The following CHODL variants were observed in gnomAD, a reference collection of about 807,000 sequenced individuals.
CHODL encodes chondrolectin.
Under a neutral mutation model 34.5 loss-of-function variants are expected in CHODL, and 29 were observed. The observed-to-expected ratio is 0.84, with a 90% CI of 0.63 to 1.15. The LOEUF (loss-of-function observed/expected upper bound fraction) is 1.15, where lower values mean the gene tolerates loss of function less well. Among genes scored for constraint, CHODL ranks in the 50% most tolerant of loss-of-function variants. CHODL has a pLI of 0.00. For synonymous variants in CHODL, 125 were observed against 116.1 expected, an observed-to-expected ratio of 1.08 and a Z score of -0.49; for missense variants, 332 against 332.5, an observed-to-expected ratio of 1.00 and a Z score of 0.01.
At chr21:17,954,894 A>G (rs2063485242) in intron 1 of CHODL, among the ~76,000 whole-genome samples, 1 of 54,002 alleles carries the variant, frequency 1.9e-5, no homozygotes, top group Non-Finnish European at 2.9e-5. Context: ...ATTAAATCAT[A>G]TATTTTATAT....
At chr21:18,050,171 T>G (rs927260128) in intron 2 of CHODL, among the ~76,000 whole-genome samples, 1 of 151,888 alleles carries the variant, frequency 6.6e-6, no homozygotes, top group African/African-American at 2.4e-5. Context: ...TAGGAAACAC[T>G]CCACAGAGGG....
intron 2 of CHODL, among the ~76,000 whole-genome samples, chr21:18,129,285 C>T (rs1283458712): frequency 6.7e-6 from 1 of 150,168 alleles, no homozygotes; most frequent in Non-Finnish European, 1.5e-5. Context: ...TTTTTTTAAC[C>T]ATTTACCATT....
chr21:18,053,725 G>A (rs1324725402), intron 2 of CHODL, among the ~76,000 whole-genome samples: 1 of 151,804 alleles, frequency 6.6e-6, no homozygotes, highest in African/African-American at 2.4e-5. Flanking sequence ...CAAAGAGTTG[G>A]TAATAAATTG....
At chr21:18,053,802 G>A (rs2824619) in intron 2 of CHODL, among the ~76,000 whole-genome samples, 54,081 of 151,632 alleles carry the variant, frequency 0.36, 11,027 homozygotes, top group Non-Finnish European at 0.47. Context: ...GCAGCCTCAT[G>A]TAAGACTGTA....
intron 2 of CHODL, among the ~76,000 whole-genome samples, chr21:18,147,989 A>G (rs1448324429): frequency 6.6e-6 from 1 of 152,184 alleles, no homozygotes; most frequent in African/African-American, 2.4e-5. Flanking sequence ...ACATAAAAGG[A>G]AATCCGATGG....
chr21:17,984,652 GTCTTTT>G (rs1400067152), intron 1 of CHODL, among the ~76,000 whole-genome samples: 1 of 151,546 alleles, frequency 6.6e-6, no homozygotes, highest in Non-Finnish European at 1.5e-5. Context: ...AGTCATACCA[GTCTTTT>G]TCTTTATGGA....
At chr21:18,111,373 GT>G (rs1265926238) in intron 2 of CHODL, among the ~76,000 whole-genome samples, 1 of 152,086 alleles carries the variant, frequency 6.6e-6, no homozygotes, top group African/African-American at 2.4e-5. Flanking sequence ...TTATTCAGGG[GT>G]TACCATTTGT....
At chr21:18,035,036 G>A (rs1479489881) in intron 2 of CHODL, among the ~76,000 whole-genome samples, 1 of 151,978 alleles carries the variant, frequency 6.6e-6, no homozygotes, top group Non-Finnish European at 1.5e-5. Flanking sequence ...AGAACCTTAA[G>A]TTCTGTTTGG....
At chr21:17,992,618 C>T (rs2063806456) in intron 1 of CHODL, among the ~76,000 whole-genome samples, 1 of 149,302 alleles carries the variant, frequency 6.7e-6, no homozygotes. Context: ...AGATAGTTTG[C>T]TATTGGTGTA....
intron 2 of CHODL, among the ~76,000 whole-genome samples, chr21:18,121,032 T>C (rs1237310620): frequency 6.6e-6 from 1 of 152,172 alleles, no homozygotes; most frequent in Non-Finnish European, 1.5e-5. Context: ...TTCCAGATGC[T>C]CTCATTTTGT....
At chr21:18,138,460 T>C (rs1002791540) in intron 2 of CHODL, among the ~76,000 whole-genome samples, 1 of 152,212 alleles carries the variant, frequency 6.6e-6, no homozygotes, top group Non-Finnish European at 1.5e-5. Context: ...TAAATAACTA[T>C]CAATTAAAAT....
At chr21:18,163,186 T>C (rs2824668) in intron 2 of CHODL, among the ~76,000 whole-genome samples, 74,749 of 152,040 alleles carry the variant, frequency 0.49, 19,312 homozygotes, top group Middle Eastern at 0.62. Flanking sequence ...TATTGAACAA[T>C]TGAATTATGA....
chr21:18,065,435 A>G (rs1179421102), intron 2 of CHODL, among the ~76,000 whole-genome samples: 5 of 152,218 alleles, frequency 3.3e-5, no homozygotes, highest in Admixed American at 6.5e-5. Context: ...CGGAATGCAC[A>G]TAGTTCACGC....
intron 1 of CHODL, among the ~76,000 whole-genome samples, chr21:17,925,345 G>T (rs1729448102): frequency 6.6e-6 from 1 of 152,338 alleles, no homozygotes; most frequent in African/African-American, 2.4e-5. Flanking sequence ...TTAATGGTTT[G>T]ATTGCTCAGG....
At chr21:18,265,234 T>C (rs1420369403) in intron 5 of CHODL, among the ~76,000 whole-genome samples, 1 of 134,128 alleles carries the variant, frequency 7.5e-6, no homozygotes, top group Admixed American at 7.2e-5. Flanking sequence ...TATATATGTG[T>C]GTATATATAT....
chr21:18,096,616 G>A (rs1044629455), intron 2 of CHODL, among the ~76,000 whole-genome samples: 5 of 152,106 alleles, frequency 3.3e-5, no homozygotes, highest in African/African-American at 1.2e-4. Context: ...ATTCCAGACT[G>A]GTGAATTCTA....
intron 2 of CHODL, among the ~76,000 whole-genome samples, chr21:18,163,953 C>A (rs933685947): frequency 1.3e-5 from 2 of 152,194 alleles, no homozygotes; most frequent in African/African-American, 4.8e-5. Context: ...TTTGCAACTT[C>A]ATTTGTTGTA....
intron 1 of CHODL, among the ~76,000 whole-genome samples, chr21:18,001,780 T>C (rs1171419667): frequency 1.3e-5 from 2 of 148,642 alleles, no homozygotes; most frequent in East Asian, 3.9e-4. Flanking sequence ...CCTCTTTTTT[T>C]TTTTTTTTTT....
At chr21:18,214,248 C>G (rs1477290750) in intron 2 of CHODL, among the ~76,000 whole-genome samples, 1 of 152,116 alleles carries the variant, frequency 6.6e-6, no homozygotes, top group Non-Finnish European at 1.5e-5. Context: ...AAAGTCACCT[C>G]AGTTCTAAAG....
Sources: gnomAD v4.1 joint callset for allele counts (sites outside exome capture counted in the v4.1 genomes callset) on GRCh38, gnomAD v4.1.1 for gene constraint, MANE v1.5 for transcripts, NCBI Gene and HGNC (gene_info 2026-07-23, HGNC 2026-07-21) for gene names.